Variants in INVS observed in about 807,000 individuals in gnomAD.
The protein encoded by INVS is inversin.
Under a neutral mutation model 108.8 loss-of-function variants are expected in INVS, and 86 were observed. The ratio of observed to expected loss-of-function variants is 0.79; its 90% CI spans 0.66 to 0.95. The LOEUF (loss-of-function observed/expected upper bound fraction) is 0.95. Ranked by LOEUF, INVS falls within the 40% of genes least tolerant of loss-of-function variation. INVS has a pLI of 0.00. For missense variants in INVS, 1,169 were observed against 1,297.4 expected, an observed-to-expected ratio of 0.90 and a Z score of 1.52; for synonymous variants, 455 against 473.5, an observed-to-expected ratio of 0.96 and a Z score of 0.51.
chr9:100,253,877 C>T (rs1388198767), intron 10 of INVS, among the ~76,000 whole-genome samples: 4 of 152,212 alleles, frequency 2.6e-5, no homozygotes, highest in East Asian at 1.9e-4. Context: ...AATAAACATA[C>T]GTGTGCATGT....
intron 2 of INVS, among the ~76,000 whole-genome samples, chr9:100,110,179 T>G (rs1039125309): frequency 2.6e-5 from 4 of 152,226 alleles, no homozygotes; most frequent in Non-Finnish European, 4.4e-5. Flanking sequence ...CTAACAATAG[T>G]AATAAAATTA....
At chr9:100,117,671 G>A (rs1038123442) in intron 2 of INVS, 19 of 594,108 alleles carry the variant, frequency 3.2e-5, no homozygotes, top group Non-Finnish European at 5.4e-5. Context: ...TCTCGGAGAA[G>A]AAGCAGTTAT....
At chr9:100,208,931 G>C (rs900458585) in intron 3 of INVS, among the ~76,000 whole-genome samples, 1 of 152,102 alleles carries the variant, frequency 6.6e-6, no homozygotes, top group Non-Finnish European at 1.5e-5. Context: ...TTGAGTACTC[G>C]CTGTGCACTG....
Position 100,207,465 on chromosome 9 carries a change from G to GT in INVS, c.274-18590dup, listed in dbSNP as rs544309251. Among the ~76,000 whole-genome samples, 205 of 151,790 alleles carry GT rather than the reference G, an allele frequency of 1.4e-3. 2 individuals are homozygous for GT. The highest frequency in any genetic ancestry group is 1.8e-4 in the Non-Finnish European group (12 of 67,886). On this transcript the variant is annotated intron_variant, in intron 3 of 16. Transcript: ENST00000262457. The stretch of plus-strand genomic sequence containing the variant: ...TGCACCACCATGCCTGCTAATTTTT[G>GT]TTTTTTTAGTAGAGATGGGGTTTCG...
intron 3 of INVS, among the ~76,000 whole-genome samples, chr9:100,150,477 G>T (rs1436265923): frequency 1.3e-5 from 2 of 152,082 alleles, no homozygotes; most frequent in African/African-American, 4.8e-5. Context: ...ACTCATGCTG[G>T]TTTCTTTTAA....
rs1403647503 is a variant in INVS at position 100,242,738 on chromosome 9, T to C, written c.906+59T>C. On this transcript the variant is annotated intron_variant, in intron 7 of 16. Transcript: ENST00000262457. Reference sequence around the variant, plus strand: ...GTGAAAATTGTTATTTTTATATAATTGTAGATTCATATGTAGTTGTAGGAA... The same window carrying C: ...GTGAAAATTGTTATTTTTATATAATCGTAGATTCATATGTAGTTGTAGGAA... The C allele has an allele frequency of 7.2e-6, 7 of 976,738 alleles. No individual in the cohort carries two copies. The East Asian group carries it at 1.7e-4, about 23-fold the overall frequency. The allele number at this position is 976,738 out of a possible 1,614,324, so 60.5% of individuals were successfully genotyped here. A position where few individuals can be genotyped will look rare whatever the true frequency, so the allele number is the denominator to read the frequency against.
At chr9:100,214,467 T>C (rs1830927696) in intron 3 of INVS, among the ~76,000 whole-genome samples, 1 of 152,220 alleles carries the variant, frequency 6.6e-6, no homozygotes. Context: ...GTCATTAAAC[T>C]TGGATCAACC....
intron 5 of INVS, among the ~76,000 whole-genome samples, chr9:100,232,122 T>C (rs1564168631): frequency 6.6e-6 from 1 of 152,228 alleles, no homozygotes. Flanking sequence ...ATGAGCTTTT[T>C]TTCATATGTT....
rs532834778 is a variant in INVS at position 100,201,227 on chromosome 9, C to T, written c.274-24835C>T. On this transcript the variant is annotated intron_variant, in intron 3 of 16. Coordinates refer to ENST00000262457, the MANE Select transcript of INVS (RefSeq NM_014425.5). ...TGCTGCAAAGGCAGAGGGTCAGTGTCACACCTGAGGAAACTTGAACTTTAA... is the reference window on the plus strand; with the variant it reads ...TGCTGCAAAGGCAGAGGGTCAGTGTTACACCTGAGGAAACTTGAACTTTAA... Among the ~76,000 whole-genome samples, 6 of 152,354 alleles carry T rather than the reference C, an allele frequency of 3.9e-5. No homozygotes were observed. The East Asian group carries it at 9.6e-4, about 24-fold the overall frequency.
chr9:100,274,472 A>C (rs12338225), intron 12 of INVS, among the ~76,000 whole-genome samples: 39 of 152,270 alleles, frequency 2.6e-4, no homozygotes, highest in African/African-American at 8.2e-4. Context: ...TAGCAAATAC[A>C]GATACCAAAA....
intron 12 of INVS, among the ~76,000 whole-genome samples, chr9:100,279,608 G>T (rs138488500): frequency 1.2e-4 from 19 of 152,262 alleles, no homozygotes; most frequent in African/African-American, 4.3e-4. Flanking sequence ...TACAAATATT[G>T]ATTGGTCCCT....
At chr9:100,150,616 T>A (rs2118979914) in intron 3 of INVS, among the ~76,000 whole-genome samples, 1 of 152,310 alleles carries the variant, frequency 6.6e-6, no homozygotes, top group South Asian at 2.1e-4. Flanking sequence ...ATTTGAGCAT[T>A]AATTTTCTAA....
intron 8 of INVS, 75 bp from the exon 9 acceptor site, chr9:100,252,208 G>A (rs1352087400): frequency 7.1e-7 from 1 of 1,416,114 alleles, no homozygotes; most frequent in Non-Finnish European, 1.0e-6. Context: ...AATCAAGAGA[G>A]GAAAAGACAT....
chr9:100,266,115 A>C (rs538153222), intron 11 of INVS, among the ~76,000 whole-genome samples: 12 of 152,244 alleles, frequency 7.9e-5, no homozygotes, highest in South Asian at 4.2e-4. Context: ...AAGTCTAAGG[A>C]ATAGCGATTC....
At chr9:100,158,006 TG>T (rs1298298918) in intron 3 of INVS, among the ~76,000 whole-genome samples, 2 of 152,246 alleles carry the variant, frequency 1.3e-5, no homozygotes, top group Non-Finnish European at 1.5e-5. Context: ...TATTTCTTAA[TG>T]TGGTGTATAT....
chr9:100,263,553 C>T (rs1292796514), intron 10 of INVS, among the ~76,000 whole-genome samples: 1 of 152,166 alleles, frequency 6.6e-6, no homozygotes, highest in Admixed American at 6.6e-5. Context: ...CCCTGTTTCC[C>T]TTATAAGGAC....
chr9:100,194,525 GCCCTTCTTTCCT>G, intron 3 of INVS, among the ~76,000 whole-genome samples: 1 of 149,780 alleles, frequency 6.7e-6, no homozygotes, highest in African/African-American at 2.5e-5. Flanking sequence ...AAATCTTTAT[GCCCTTCTTTCCT>G]CCCTTCTTTC....
At chr9:100,226,834 A>AAAC (rs1831341413) in intron 4 of INVS, among the ~76,000 whole-genome samples, 2 of 150,126 alleles carry the variant, frequency 1.3e-5, no homozygotes, top group African/African-American at 2.5e-5. Context: ...AAAAAAAAAA[A>AAAC]ATCAGTCCTG....
At chr9:100,135,604 G>C (rs1282881746) in intron 3 of INVS, among the ~76,000 whole-genome samples, 1 of 152,114 alleles carries the variant, frequency 6.6e-6, no homozygotes, top group Non-Finnish European at 1.5e-5. Flanking sequence ...TGTTTTACTG[G>C]GGACTCTTTT....
Sources: gnomAD v4.1 joint callset for allele counts (sites outside exome capture counted in the v4.1 genomes callset) on GRCh38, gnomAD v4.1.1 for gene constraint, MANE v1.5 for transcripts, NCBI Gene and HGNC (gene_info 2026-07-23, HGNC 2026-07-21) for gene names.